Variants in RYR3 observed in about 807,000 individuals in gnomAD.
RYR3 encodes the protein brain ryanodine receptor-calcium release channel.
A neutral mutation model predicts 584.3 loss-of-function variants in RYR3; 207 were observed. The ratio of observed to expected loss-of-function variants is 0.35; its 90% CI spans 0.32 to 0.40. The LOEUF is 0.40. Among genes scored for constraint, RYR3 ranks in the 10% least tolerant of loss-of-function variants. The pLI is 1.00. For synonymous variants in RYR3, 2,416 were observed against 2,248.5 expected, an observed-to-expected ratio of 1.07 and a Z score of -2.11; for missense variants, 5,616 against 6,089.2, an observed-to-expected ratio of 0.92 and a Z score of 2.59.
At chr15:33,646,329 T>C (rs1396415417) in intron 28 of RYR3, 22 bp from the exon 29 acceptor site, 1 of 1,576,044 alleles carries the variant, frequency 6.3e-7, no homozygotes, top group African/African-American at 1.3e-5. Flanking sequence ...TATGTCAAGG[T>C]AAGGACTCGT....
At chr15:33,644,663 G>T in intron 28 of RYR3, 144 bp downstream of exon 28, 2 of 638,132 alleles carry the variant, frequency 3.1e-6, no homozygotes, top group South Asian at 1.9e-5. Flanking sequence ...GGCCCTCAGA[G>T]CTGCAGTTGC....
chr15:33,385,217 G>A (rs1308241270), intron 1 of RYR3, among the ~76,000 whole-genome samples: 1 of 151,464 alleles, frequency 6.6e-6, no homozygotes, highest in Non-Finnish European at 1.5e-5. Flanking sequence ...GTTAATAAGT[G>A]TTTATTGATT....
intron 93 of RYR3, chr15:33,847,633 T>C (rs2078811476): frequency 6.6e-6 from 1 of 152,152 alleles, no homozygotes; most frequent in East Asian, 1.9e-4. Context: ...TGGCAGTAGG[T>C]CCTTAGAGCC....
At chr15:33,496,723 C>G (rs946506928) in intron 2 of RYR3, among the ~76,000 whole-genome samples, 4 of 152,108 alleles carry the variant, frequency 2.6e-5, no homozygotes, top group African/African-American at 9.7e-5. Flanking sequence ...TGCAGGAACT[C>G]CTTCTTGCCC....
At chr15:33,690,089 A>G (rs2065306407) in intron 38 of RYR3, among the ~76,000 whole-genome samples, 1 of 152,216 alleles carries the variant, frequency 6.6e-6, no homozygotes, top group South Asian at 2.1e-4. Flanking sequence ...AAAGCCTTCT[A>G]TAGTTGACAG....
At chr15:33,372,790 G>A (rs896792894) in intron 1 of RYR3, among the ~76,000 whole-genome samples, 19 of 152,222 alleles carry the variant, frequency 1.2e-4, no homozygotes. Context: ...ATAGGCGTGA[G>A]CCATAGCGCC....
chr15:33,412,997 G>T lies in RYR3; in HGVS notation c.52-60422G>T, dbSNP rs1226225633. Among the ~76,000 whole-genome samples the T allele has an allele frequency of 2.0e-5, 3 of 152,128 alleles. No homozygotes were observed. The highest frequency in any genetic ancestry group is 4.4e-5 in the Non-Finnish European group (3 of 68,020). On this transcript the variant is annotated intron_variant, in intron 1 of 103. Transcript: ENST00000634891. The surrounding 1 kb of genome is among the most constrained non-coding windows in gnomAD (Gnocchi z 4.3). Reference sequence around the variant, plus strand: ...AATGAGAAATGGTCTACCCATCTCTGGGTCTGAAAGACAACTGTACCATCC... The same window carrying T: ...AATGAGAAATGGTCTACCCATCTCTTGGTCTGAAAGACAACTGTACCATCC...
chr15:33,674,210 C>T (rs1041437688), intron 38 of RYR3, among the ~76,000 whole-genome samples: 10 of 152,208 alleles, frequency 6.6e-5, no homozygotes, highest in African/African-American at 9.6e-5. Context: ...AACATCTATA[C>T]GAAATAAGTC....
At chr15:33,623,418 T>C (rs186865768) in intron 19 of RYR3, among the ~76,000 whole-genome samples, 1 of 143,856 alleles carries the variant, frequency 7.0e-6, no homozygotes, top group African/African-American at 2.4e-5. Flanking sequence ...CGAGAAGAGT[T>C]GAAGTTATCA....
intron 3 of RYR3, among the ~76,000 whole-genome samples, chr15:33,518,376 A>G (rs1595408544): frequency 6.6e-6 from 1 of 152,198 alleles, no homozygotes; most frequent in Non-Finnish European, 1.5e-5. Flanking sequence ...GCAAACATCA[A>G]CACAACTGAT....
chr15:33,428,422 T>C (rs11072471), intron 1 of RYR3, among the ~76,000 whole-genome samples: 36,094 of 152,124 alleles, frequency 0.24, 4,616 homozygotes, highest in East Asian at 0.38. Flanking sequence ...CTTCGAAGAT[T>C]TTAGTAATTT....
chr15:33,615,848 G>A (rs1025942572), intron 19 of RYR3, among the ~76,000 whole-genome samples: 1 of 152,198 alleles, frequency 6.6e-6, no homozygotes, highest in Non-Finnish European at 1.5e-5. Flanking sequence ...TGGAGCAAAA[G>A]CCTTCTGGAA....
At chr15:33,695,018 C>T (rs966411302) in intron 38 of RYR3, among the ~76,000 whole-genome samples, 4 of 152,142 alleles carry the variant, frequency 2.6e-5, no homozygotes, top group African/African-American at 9.7e-5. Flanking sequence ...GAGTAGAAAC[C>T]TCAACTATTA....
At chr15:33,541,048 A>G (rs1038821047) in intron 7 of RYR3, among the ~76,000 whole-genome samples, 158 bp downstream of exon 7, 1 of 152,060 alleles carries the variant, frequency 6.6e-6, no homozygotes, top group Non-Finnish European at 1.5e-5. Context: ...AATTCAGTAC[A>G]GATTATTTTC....
Position 33,530,682 on chromosome 15 carries a change from GC to G in RYR3, c.354+19del. 6.2e-7 allele frequency: 1 copy of G among 1,601,006 alleles called. No homozygotes were observed. Among genetic ancestry groups the G allele is most frequent in the Non-Finnish European group, 8.6e-7 (1 of 1,168,608 alleles). ...CAGCGGAATGGTAAGCAGCTCTGGT[GC>G]CCACTTTCATCATTCAAGGAGAAGG... On this transcript the variant is annotated intron_variant, in intron 4 of 103. Transcript: ENST00000634891.
intron 5 of RYR3, among the ~76,000 whole-genome samples, chr15:33,533,632 A>T (rs564567819): frequency 6.6e-6 from 1 of 152,376 alleles, no homozygotes; most frequent in African/African-American, 2.4e-5. Context: ...AGAAAAACAA[A>T]TCTTTAACGT....
Position 33,409,362 on chromosome 15 carries a change from G to A in RYR3, c.52-64057G>A, listed in dbSNP as rs28382287. 5.8e-3 allele frequency among the ~76,000 whole-genome samples: 765 copies of A among 132,224 alleles called. 6 individuals are homozygous for A. Among genetic ancestry groups the A allele is most frequent in the African/African-American group, 0.017 (601 of 35,940 alleles). The allele number at this position is 132,224 out of a possible 152,430, so 86.7% of individuals were successfully genotyped here. A position where few individuals can be genotyped will look rare whatever the true frequency, so the allele number is the denominator to read the frequency against. ...TCAAAAAATCTAAAAAAAAAAAAAAGAAAAAAGGCCTTCTTGTTCCCAGAG... is the reference window on the plus strand; with the variant it reads ...TCAAAAAATCTAAAAAAAAAAAAAAAAAAAAAGGCCTTCTTGTTCCCAGAG... On this transcript the variant is annotated intron_variant, in intron 1 of 103. Transcript: ENST00000634891.
chr15:33,312,454 T>C (rs1305902585), intron 1 of RYR3, among the ~76,000 whole-genome samples: 1 of 152,150 alleles, frequency 6.6e-6, no homozygotes, highest in Non-Finnish European at 1.5e-5. Flanking sequence ...ATCCTTCGTC[T>C]GACCTGCAGA....
chr15:33,698,801 G>A (rs568059353), intron 40 of RYR3, among the ~76,000 whole-genome samples: 3 of 152,236 alleles, frequency 2.0e-5, no homozygotes, highest in South Asian at 4.2e-4. Context: ...GCCTCAGCGA[G>A]CAGATAGACT....
Sources: allele counts gnomAD v4.1 joint callset (sites outside exome capture counted in the v4.1 genomes callset), GRCh38; gene constraint gnomAD v4.1.1; non-coding constraint Gnocchi (gnomAD v3.1); transcripts MANE v1.5; gene names NCBI Gene and HGNC (gene_info 2026-07-23, HGNC 2026-07-21).